Variants in COP1 observed in about 807,000 individuals in gnomAD.
The protein encoded by COP1 is E3 ubiquitin-protein ligase COP1.
In COP1, 24 loss-of-function variants were observed where a neutral mutation model predicts 101.3. That is an observed-to-expected ratio of 0.24 (90% confidence interval 0.17 to 0.33). The LOEUF (loss-of-function observed/expected upper bound fraction) is 0.33. COP1 is among the 10% of genes least tolerant of loss of function. The pLI, the probability that COP1 is intolerant of heterozygous loss-of-function variation, is 1.00. For missense variants in COP1, 663 were observed against 906.2 expected, an observed-to-expected ratio of 0.73 and a Z score of 3.45; for synonymous variants, 347 against 341.9, an observed-to-expected ratio of 1.01 and a Z score of -0.17.
In COP1 at chr1:176,046,250, T is replaced by A; in HGVS notation, c.1352A>T (p.Asp451Val). Reference protein sequence around the residue: ...VTKKIKVYEYDTVIQDAVDIH... With the variant: ...VTKKIKVYEYVTVIQDAVDIH... ...ATCCACTGCATCCTGGATGACAGTG[T>A]CATATTCATAGACTTTAATCTTCTT... is the stretch of plus-strand genomic sequence containing the variant. The change falls in exon 12 of 20, where the codon GAC becomes GTC. Residue 451 changes from aspartate to valine, a missense_variant. Around this residue, in one of 4 missense-constraint regions of COP1, gnomAD observed 209 missense variants for 383.3 expected, o/e 0.55. Coordinates refer to ENST00000367669, the MANE Select transcript of COP1 (RefSeq NM_022457.7). 1.9e-6 allele frequency: 3 copies of A among 1,609,052 alleles called. No homozygotes were observed. Among genetic ancestry groups the A allele is most frequent in the Admixed American group, 3.4e-5 (2 of 59,032 alleles).
intron 9 of COP1, among the ~76,000 whole-genome samples, chr1:176,089,286 C>T (rs1051331358): frequency 2.8e-5 from 3 of 108,690 alleles, no homozygotes; most frequent in African/African-American, 1.1e-4. Context: ...GACTGAGACT[C>T]TGTCTAAAAC....
chr1:175,986,314 T>C (rs1209585355), intron 18 of COP1, among the ~76,000 whole-genome samples: 2 of 152,156 alleles, frequency 1.3e-5, no homozygotes, highest in African/African-American at 4.8e-5. Flanking sequence ...CCACCGAACC[T>C]AGCCTAAGAA....
chr1:176,010,745 TAAG>T (rs1664516000), intron 15 of COP1, among the ~76,000 whole-genome samples: 1 of 152,214 alleles, frequency 6.6e-6, no homozygotes, highest in Non-Finnish European at 1.5e-5. Context: ...CCACAGCCAT[TAAG>T]AAGAAAACAA....
chr1:175,975,315 G>A (rs896140149), intron 18 of COP1, among the ~76,000 whole-genome samples: 7 of 152,126 alleles, frequency 4.6e-5, no homozygotes, highest in African/African-American at 1.4e-4. Flanking sequence ...AGATGTGTGA[G>A]TTTGGAGTTA....
intron 8 of COP1, among the ~76,000 whole-genome samples, chr1:176,123,212 A>G (rs538444495): frequency 4.6e-5 from 7 of 152,212 alleles, no homozygotes; most frequent in Admixed American, 1.3e-4. Flanking sequence ...TACTTAGAAG[A>G]AGCATTCCAA....
At chr1:176,134,941 C>T in intron 8 of COP1, 69 bp downstream of exon 8, 1 of 1,172,698 alleles carries the variant, frequency 8.5e-7, no homozygotes, top group Non-Finnish European at 1.3e-6. Context: ...GAAAAGGCTC[C>T]TAAAGGACTA....
chr1:175,988,327 A>C lies in COP1; in HGVS notation c.1933T>G (p.Phe645Val), dbSNP rs1657602200. The C allele has an allele frequency of 6.2e-7, 1 of 1,612,356 alleles. No homozygotes were observed. The highest frequency in any genetic ancestry group is 1.3e-5 in the African/African-American group (1 of 74,918). Residue 645 changes from phenylalanine to valine, a missense_variant, in exon 17 of 20, where the codon TTT (phenylalanine) becomes GTT (valine). This residue lies in a region of COP1 where 209 missense variants were observed against 383.3 expected (regional missense o/e 0.55). Coordinates refer to ENST00000367669, the MANE Select transcript of COP1 (RefSeq NM_022457.7). Reference protein sequence around the residue: ...SFKGHINEKNFVGLASNGDYI... With the variant: ...SFKGHINEKNVVGLASNGDYI... ...TCTCCATTGGAAGCCAGGCCTACAAAGTTTTTTTCATTGATATGACCCTTG... is the reference window on the plus strand; with the variant it reads ...TCTCCATTGGAAGCCAGGCCTACAACGTTTTTTTCATTGATATGACCCTTG...
chr1:176,091,323 G>T (rs1681235208), intron 9 of COP1, among the ~76,000 whole-genome samples: 1 of 148,512 alleles, frequency 6.7e-6, no homozygotes, highest in Admixed American at 6.8e-5. Context: ...TCAAGCCTGG[G>T]CAACAGAGCG....
intron 8 of COP1, chr1:176,133,950 G>C (rs1203174315): frequency 4.6e-6 from 2 of 436,636 alleles, no homozygotes; most frequent in Non-Finnish European, 9.1e-6. Flanking sequence ...ATGTTTCAAA[G>C]AAAGTAAAAT....
At chr1:176,190,061 A>G (rs1483977122) in intron 1 of COP1, among the ~76,000 whole-genome samples, 1 of 152,054 alleles carries the variant, frequency 6.6e-6, no homozygotes, top group Non-Finnish European at 1.5e-5. Context: ...TGACTTTACA[A>G]CTCCAACCAC....
At chr1:176,163,928 T>G (rs1035485532) in intron 3 of COP1, 37 bp from the exon 4 acceptor site, 12 of 1,416,240 alleles carry the variant, frequency 8.5e-6, no homozygotes, top group Non-Finnish European at 9.9e-6. Context: ...ACACATAATT[T>G]GTATTTTTGT....
Position 175,956,206 on chromosome 1 carries a change from C to T in COP1, c.2134-8967G>A, listed in dbSNP as rs148745211. The stretch of plus-strand genomic sequence containing the variant: ...CAGAAACAGATCCATCCATAATCAA[C>T]TGAATTTCAAAACAACTTGGCAAGT... On this transcript the variant is annotated intron_variant, in intron 18 of 19. Coordinates refer to ENST00000367669, the MANE Select transcript of COP1 (RefSeq NM_022457.7). Among the ~76,000 whole-genome samples the T allele has an allele frequency of 2.6e-3, 401 of 151,728 alleles. 3 individuals are homozygous for T. Among genetic ancestry groups the T allele is most frequent in the African/African-American group, 9.2e-3 (382 of 41,408 alleles).
chr1:176,206,519 A>C, intron 1 of COP1, 53 bp downstream of exon 1: 1 of 1,573,620 alleles, frequency 6.4e-7, no homozygotes, highest in Non-Finnish European at 8.6e-7. Context: ...CCCAAGCCTA[A>C]GCGGCAGAAA....
chr1:175,999,064 G>A (rs1049726139), intron 15 of COP1, among the ~76,000 whole-genome samples: 2 of 151,864 alleles, frequency 1.3e-5, no homozygotes, highest in Admixed American at 6.6e-5. Flanking sequence ...TGAGCATTGT[G>A]GACAGTTTTC....
At chr1:175,960,873 G>A (rs900695003) in intron 18 of COP1, among the ~76,000 whole-genome samples, 1 of 152,232 alleles carries the variant, frequency 6.6e-6, no homozygotes, top group Admixed American at 6.5e-5. Context: ...TTCTGGGTAA[G>A]TCTGTGAGGG....
chr1:176,109,619 T>G (rs1229418881), intron 9 of COP1, among the ~76,000 whole-genome samples: 1 of 152,194 alleles, frequency 6.6e-6, no homozygotes, highest in Admixed American at 6.5e-5. Context: ...GGATTTCTTT[T>G]AAATTGGAAT....
chr1:176,139,161 C>T (rs1389120181), intron 6 of COP1, among the ~76,000 whole-genome samples: 1 of 151,576 alleles, frequency 6.6e-6, no homozygotes, highest in African/African-American at 2.4e-5. Flanking sequence ...AAGTGGCCAT[C>T]ACACATAAAA....
chr1:176,082,650 T>C (rs1184080933), intron 10 of COP1, among the ~76,000 whole-genome samples: 1 of 151,620 alleles, frequency 6.6e-6, no homozygotes, highest in Non-Finnish European at 1.5e-5. Flanking sequence ...CTACTAAAAA[T>C]ACAAAATTAG....
At chr1:176,082,581 C>T (rs981735248) in intron 10 of COP1, among the ~76,000 whole-genome samples, 3 of 151,946 alleles carry the variant, frequency 2.0e-5, no homozygotes, top group Non-Finnish European at 2.9e-5. Context: ...CCGAGGCAGG[C>T]GGATCACCTG....
Sources: gnomAD v4.1 joint callset for allele counts (sites outside exome capture counted in the v4.1 genomes callset) on GRCh38, gnomAD v4.1.1 for gene constraint, gnomAD v4.1.1 regional missense constraint, MANE v1.5 for transcripts, NCBI Gene and HGNC (gene_info 2026-07-23, HGNC 2026-07-21) for gene names.